The following LCMT1 variants were observed in gnomAD, a reference collection of about 807,000 sequenced individuals.
LCMT1 encodes the protein leucine carboxyl methyltransferase 1, also known as [Phosphatase 2A protein]-leucine-carboxy methyltransferase 1.
A neutral mutation model predicts 47.7 loss-of-function variants in LCMT1; 32 were observed. That is an observed-to-expected ratio of 0.67 (90% CI 0.51 to 0.90). LCMT1 has a LOEUF of 0.90. Among genes scored for constraint, LCMT1 ranks in the 40% least tolerant of loss-of-function variants. LCMT1 has a pLI of 0.00. For synonymous variants in LCMT1, 152 were observed against 149.7 expected (o/e 1.02, Z -0.11); for missense variants, 375 against 415.2 (o/e 0.90, Z 0.84).
At chr16:25,112,617 C>G (rs1297564986) in intron 1 of LCMT1, among the ~76,000 whole-genome samples, 10 of 152,112 alleles carry the variant, frequency 6.6e-5, no homozygotes, top group Non-Finnish European at 1.3e-4. Flanking sequence ...TTTTTGAGAC[C>G]TTACTTTGTG....
intron 1 of LCMT1, among the ~76,000 whole-genome samples, chr16:25,121,153 C>T (rs936876078): frequency 4.6e-5 from 7 of 151,030 alleles, no homozygotes; most frequent in Admixed American, 1.3e-4. Flanking sequence ...TTTGGCCAGG[C>T]GTGGTGGCTC....
chr16:25,152,123 G>A (rs1214488059), intron 5 of LCMT1, among the ~76,000 whole-genome samples: 1 of 152,094 alleles, frequency 6.6e-6, no homozygotes, highest in Non-Finnish European at 1.5e-5. Flanking sequence ...CACATCTTTC[G>A]GAGACTGGCC....
Position 25,157,351 on chromosome 16 carries a change from C to G in LCMT1, c.467-3751C>G, listed in dbSNP as rs182110907. Among the ~76,000 whole-genome samples, 240 of 152,118 alleles carry G rather than the reference C, an allele frequency of 1.6e-3. 2 individuals are homozygous for G. Among genetic ancestry groups the G allele is most frequent in the Non-Finnish European group, 6.8e-4 (46 of 67,990 alleles). On this transcript the variant is annotated intron_variant, in intron 5 of 10. Coordinates refer to ENST00000399069, the MANE Select transcript of LCMT1 (RefSeq NM_016309.3). Reference sequence around the variant, plus strand: ...TTGAGCCCAAGAGTTCAAGACCAGCCTGGGCAACATAAGGAGACCCGCCCA... The same window carrying G: ...TTGAGCCCAAGAGTTCAAGACCAGCGTGGGCAACATAAGGAGACCCGCCCA...
intron 7 of LCMT1, among the ~76,000 whole-genome samples, chr16:25,166,256 C>T (rs552963190): frequency 1.1e-4 from 16 of 141,156 alleles, no homozygotes; most frequent in South Asian, 2.3e-4. Context: ...AGTGACCGAG[C>T]GAGACGCCAT....
chr16:25,165,948 T>TTTTGTTCTGTCTGAGCCCCAGTTC (rs1264098497), intron 7 of LCMT1, among the ~76,000 whole-genome samples: 9 of 152,148 alleles, frequency 5.9e-5, no homozygotes, highest in Non-Finnish European at 1.3e-4. Context: ...ATCAGCTATT[T>TTTTGTTCTGTCTGAGCCCCAGTTC]TTTGTTCTCT....
intron 4 of LCMT1, chr16:25,146,032 C>T (rs1960839254): frequency 6.6e-6 from 1 of 152,202 alleles, no homozygotes; most frequent in South Asian, 2.1e-4. Context: ...TAATAAGTCT[C>T]TACCCAGCAA....
At position 25,151,619 on chromosome 16, in the gene LCMT1, A is replaced by G. The variant is rs769333144; in HGVS notation, c.466+4A>G. On this transcript the variant is annotated splice_donor_region_variant and intron_variant, in intron 5 of 10. Coordinates refer to ENST00000399069, the MANE Select transcript of LCMT1 (RefSeq NM_016309.3). ...TCAGAGGACACACTTCAGATGGGCA[A>G]GTATCAAGCTAATGCAAAATGGACT... The G allele has an allele frequency of 6.2e-7, 1 of 1,611,798 alleles. No individual in the cohort carries two copies. Among genetic ancestry groups the G allele is most frequent in the Non-Finnish European group, 8.5e-7 (1 of 1,178,486 alleles).
At chr16:25,140,331 A>C (rs1403611483) in intron 4 of LCMT1, 84 bp downstream of exon 4, 3 of 1,073,536 alleles carry the variant, frequency 2.8e-6, no homozygotes, top group African/African-American at 3.1e-5. Flanking sequence ...AATGCCAGAG[A>C]CTTCACTTTA....
chr16:25,159,330 C>T (rs1342167882), intron 5 of LCMT1, among the ~76,000 whole-genome samples: 1 of 152,240 alleles, frequency 6.6e-6, no homozygotes. Flanking sequence ...AGTGCAGAGG[C>T]ACGATCATAG....
At chr16:25,139,670 C>T (rs988501359) in intron 3 of LCMT1, among the ~76,000 whole-genome samples, 1 of 152,054 alleles carries the variant, frequency 6.6e-6, no homozygotes, top group African/African-American at 2.4e-5. Context: ...CTCAAGCTGC[C>T]TTTTTTGTTG....
chr16:25,123,618 T>C (rs1960068488), intron 1 of LCMT1, among the ~76,000 whole-genome samples: 2 of 140,442 alleles, frequency 1.4e-5, no homozygotes, highest in Non-Finnish European at 3.1e-5. Flanking sequence ...TTTTTTTTTT[T>C]TTTTTTTGAG....
rs545333015 is a variant in LCMT1 at position 25,136,930 on chromosome 16, G to A, written c.328-3241G>A. Among the ~76,000 whole-genome samples the A allele has an allele frequency of 4.6e-5, 7 of 152,276 alleles. No homozygotes were observed. The South Asian group carries it at 1.5e-3, about 32-fold the overall frequency. ...GAAGTTTTACAAGGTTCTAATGCAT[G>A]GGAAAGCTCTTTAAAAAGGAAGAAG... On this transcript the variant is annotated intron_variant, in intron 3 of 10. Coordinates refer to ENST00000399069, the MANE Select transcript of LCMT1 (RefSeq NM_016309.3).
intron 5 of LCMT1, among the ~76,000 whole-genome samples, chr16:25,160,255 T>C (rs1397136166): frequency 6.6e-6 from 1 of 152,150 alleles, no homozygotes; most frequent in East Asian, 1.9e-4. Context: ...CCAATAGAAA[T>C]GTAAATTTCT....
rs73563426 is a variant in LCMT1, at chr16:25,130,671, A to G, written c.206-1731A>G. 1.0e-2 allele frequency among the ~76,000 whole-genome samples: 1,517 copies of G among 152,246 alleles called. 26 individuals are homozygous for G. Among genetic ancestry groups the G allele is most frequent in the African/African-American group, 0.035 (1,447 of 41,536 alleles). Reference sequence around the variant, plus strand: ...AAAAAAAAGAATCTTCAGTAGATTTATTTTCCTCCCCGGCTCACAGTATGA... The same window carrying G: ...AAAAAAAAGAATCTTCAGTAGATTTGTTTTCCTCCCCGGCTCACAGTATGA... On this transcript the variant is annotated intron_variant, in intron 2 of 10. Transcript: ENST00000399069.
chr16:25,150,333 G>GT (rs35240331), intron 4 of LCMT1, among the ~76,000 whole-genome samples: 1,196 of 93,536 alleles, frequency 0.013, 83 homozygotes, highest in African/African-American at 0.018. Flanking sequence ...TAGTTTTCTG[G>GT]TTTTTTTTTT....
At chr16:25,121,831 G>A (rs1490679628) in intron 1 of LCMT1, among the ~76,000 whole-genome samples, 1 of 152,170 alleles carries the variant, frequency 6.6e-6, no homozygotes, top group Non-Finnish European at 1.5e-5. Flanking sequence ...TACAATTCAA[G>A]GTGAGATTTT....
chr16:25,158,864 T>C (rs1961338774), intron 5 of LCMT1: 1 of 152,228 alleles, frequency 6.6e-6, no homozygotes, highest in Non-Finnish European at 1.5e-5. Context: ...TCAAATTCTA[T>C]CATTCAAAGG....
At chr16:25,162,895 A>G (rs1961473852) in intron 6 of LCMT1, among the ~76,000 whole-genome samples, 1 of 146,362 alleles carries the variant, frequency 6.8e-6, no homozygotes, top group African/African-American at 2.5e-5. Context: ...TTTGGAGACA[A>G]GGTCTTACTC....
intron 1 of LCMT1, among the ~76,000 whole-genome samples, chr16:25,124,593 A>T (rs967259005): frequency 6.6e-6 from 1 of 152,256 alleles, no homozygotes; most frequent in African/African-American, 2.4e-5. Flanking sequence ...AAAGAAGTCA[A>T]TGAGGCACCA....
Sources: allele counts gnomAD v4.1 joint callset (sites outside exome capture counted in the v4.1 genomes callset), GRCh38; gene constraint gnomAD v4.1.1; transcripts MANE v1.5; gene names NCBI Gene and HGNC (gene_info 2026-07-23, HGNC 2026-07-21).